CDH8: variants seen among roughly 807,000 people sequenced by gnomAD.
The protein encoded by CDH8 is cadherin 8.
A neutral mutation model predicts 68.1 loss-of-function variants in CDH8; 17 were observed. The ratio of observed to expected loss-of-function variants is 0.25; its 90% CI spans 0.17 to 0.37. CDH8 has a LOEUF of 0.37. Ranked by LOEUF, CDH8 falls within the 10% of genes least tolerant of loss-of-function variation. The pLI is 1.00. For synonymous variants in CDH8, 372 were observed against 365.1 expected (o/e 1.02, Z -0.21); for missense variants, 763 against 999.3 (o/e 0.76, Z 3.19).
chr16:61,850,361 C>T (rs1278003203), intron 4 of CDH8, among the ~76,000 whole-genome samples: 2 of 151,980 alleles, frequency 1.3e-5, no homozygotes, highest in African/African-American at 2.4e-5. Flanking sequence ...GATCTGCCGC[C>T]ATGACCCAAA....
At chr16:61,944,713 A>G (rs1397552349) in intron 2 of CDH8, among the ~76,000 whole-genome samples, 3 of 152,162 alleles carry the variant, frequency 2.0e-5, no homozygotes, top group Non-Finnish European at 2.9e-5. Flanking sequence ...AGCTGGAGGC[A>G]GAAGAATTAC....
At chr16:61,944,226 C>T (rs757689942) in intron 2 of CDH8, among the ~76,000 whole-genome samples, 5 of 152,080 alleles carry the variant, frequency 3.3e-5, no homozygotes, top group African/African-American at 4.8e-5. Context: ...ATGAGTGCCC[C>T]GTGAATTTTG....
intron 2 of CDH8, among the ~76,000 whole-genome samples, chr16:61,942,851 C>T (rs1296716906): frequency 2.6e-5 from 4 of 152,176 alleles, no homozygotes; most frequent in Non-Finnish European, 4.4e-5. Flanking sequence ...GTGTGAGGCT[C>T]ACTTGAGCCC....
intron 10 of CDH8, among the ~76,000 whole-genome samples, chr16:61,698,545 C>T (rs1964368477): frequency 6.6e-6 from 1 of 152,146 alleles, no homozygotes; most frequent in Non-Finnish European, 1.5e-5. Context: ...CCTTTTTTCC[C>T]CTCAGGCTGC....
chr16:61,915,280 A>G (rs1383071471), intron 2 of CDH8, among the ~76,000 whole-genome samples: 1 of 152,200 alleles, frequency 6.6e-6, no homozygotes, highest in African/African-American at 2.4e-5. Context: ...CTTTTCAGCC[A>G]TTTCTTCAAG....
At position 61,924,566 on chromosome 16, in the gene CDH8, G is replaced by A. The variant is rs189485668; in HGVS notation, c.253-23093C>T. Among the ~76,000 whole-genome samples the A allele has an allele frequency of 1.1e-4, 16 of 152,232 alleles. No individual in the cohort carries two copies. In the East Asian group the frequency reaches 2.9e-3, roughly 28 times the overall value. On this transcript the variant is annotated intron_variant, in intron 2 of 11. Transcript: ENST00000577390. ...AATAAGCTTGCTAGACTTCATCAGT[G>A]TGTTCTCGTGTGAAGGTTAAAGAGC... is the stretch of plus-strand genomic sequence containing the variant.
intron 2 of CDH8, among the ~76,000 whole-genome samples, chr16:61,972,910 A>T (rs56057394): frequency 6.6e-6 from 1 of 152,144 alleles, no homozygotes; most frequent in African/African-American, 2.4e-5. Context: ...TGCAAAGCTC[A>T]GTTAAGGTTT....
intron 2 of CDH8, among the ~76,000 whole-genome samples, chr16:61,947,722 C>G (rs1421021258): frequency 6.6e-6 from 1 of 151,956 alleles, no homozygotes; most frequent in African/African-American, 2.4e-5. Flanking sequence ...ATTCATTATT[C>G]TAGAGTATTA....
intron 2 of CDH8, among the ~76,000 whole-genome samples, chr16:62,006,831 T>C (rs1228133896): frequency 6.6e-6 from 1 of 152,194 alleles, no homozygotes; most frequent in Non-Finnish European, 1.5e-5. Flanking sequence ...GTTGTTTTTA[T>C]ACCCAAATAT....
chr16:61,667,727 C>A (rs1963706953), intron 10 of CDH8: 1 of 151,962 alleles, frequency 6.6e-6, no homozygotes, highest in Non-Finnish European at 1.5e-5. Context: ...TTTGTTACGG[C>A]ATCCCTAGAA....
chr16:61,647,867 CCTAGCAA>C lies in CDH8; in HGVS notation c.*5734_*5740del, dbSNP rs1290507517. 7.1e-6 allele frequency: 5 copies of C among 699,370 alleles called. No homozygotes were observed. The highest frequency in any genetic ancestry group is 1.3e-5 in the Non-Finnish European group (5 of 382,646). 43.3% of individuals were successfully genotyped at this position (699,370 alleles called of 1,614,324 possible). On this transcript the variant is annotated 3_prime_UTR_variant, in exon 12 of 12. Coordinates refer to ENST00000577390, the MANE Select transcript of CDH8 (RefSeq NM_001796.5). The stretch of plus-strand genomic sequence containing the variant: ...TCAGACAGCATCTTGTGATATTCCT[CCTAGCAA>C]CCCTCTTCTGTAATCTGTGGATAAT...
chr16:61,831,254 A>G (rs764614165), intron 4 of CDH8, among the ~76,000 whole-genome samples: 3 of 151,792 alleles, frequency 2.0e-5, no homozygotes, highest in Admixed American at 1.3e-4. Flanking sequence ...AGTTCATTCA[A>G]TGGAAATTTG....
intron 10 of CDH8, among the ~76,000 whole-genome samples, chr16:61,711,240 C>T (rs947601995): frequency 1.3e-5 from 2 of 151,634 alleles, no homozygotes; most frequent in Non-Finnish European, 3.0e-5. Context: ...AGGACCAATC[C>T]ATATAAGAGA....
At chr16:62,002,881 G>A (rs995173693) in intron 2 of CDH8, among the ~76,000 whole-genome samples, 10 of 152,064 alleles carry the variant, frequency 6.6e-5, no homozygotes, top group East Asian at 1.9e-4. Flanking sequence ...GTGAAACCCC[G>A]TCTCTACTAA....
intron 10 of CDH8, among the ~76,000 whole-genome samples, chr16:61,708,494 GA>G (rs944272553): frequency 6.6e-6 from 1 of 152,032 alleles, no homozygotes; most frequent in African/African-American, 2.4e-5. Context: ...ATTTTAGAAA[GA>G]AAATGAAAAT....
chr16:61,793,791 A>G (rs1193029867), intron 7 of CDH8, among the ~76,000 whole-genome samples: 1 of 152,048 alleles, frequency 6.6e-6, no homozygotes, highest in East Asian at 1.9e-4. Context: ...GCTGGGTCAA[A>G]TGATATTTCT....
At position 61,817,693 on chromosome 16, in the gene CDH8, C is replaced by A; in HGVS notation, c.1063G>T (p.Val355Leu). ...TCAATATGGACATTGGCTGCCTCTA[C>A]CTTTAGCGTATAGGATTTTTTGGTC... Reference protein sequence around the residue: ...FETKKSYTLKVEAANVHIDPR... With the variant: ...FETKKSYTLKLEAANVHIDPR... The change falls in exon 7 of 12, where the codon GTA (valine) becomes TTA (leucine). Residue 355 changes from valine (V) to leucine (L), a missense_variant. Physicochemically the swap from Val to Leu is conservative, Grantham distance 32 (BLOSUM62 1). Transcript: ENST00000577390. 6.2e-7 allele frequency: 1 copy of A among 1,600,252 alleles called. No individual in the cohort carries two copies. The highest frequency in any genetic ancestry group is 8.5e-7 in the Non-Finnish European group (1 of 1,173,894).
intron 8 of CDH8, among the ~76,000 whole-genome samples, chr16:61,744,943 T>C (rs1358145982): frequency 6.6e-6 from 1 of 151,396 alleles, no homozygotes; most frequent in Non-Finnish European, 1.5e-5. Context: ...GTATATATTA[T>C]TTTGTATTTT....
chr16:61,789,198 A>G, intron 8 of CDH8, 148 bp downstream of exon 8: 1 of 608,586 alleles, frequency 1.6e-6, no homozygotes, highest in Non-Finnish European at 2.8e-6. Flanking sequence ...TTGTGTTGAG[A>G]TGATACATTC....
Sources: gnomAD v4.1 joint callset for allele counts (sites outside exome capture counted in the v4.1 genomes callset) on GRCh38, gnomAD v4.1.1 for gene constraint, MANE v1.5 for transcripts, NCBI Gene and HGNC (gene_info 2026-07-23, HGNC 2026-07-21) for gene names.